Variants in DNHD1 observed in about 807,000 individuals in gnomAD.
DNHD1 encodes the protein dynein heavy chain domain-containing protein 1.
Under a neutral mutation model 458.1 loss-of-function variants are expected in DNHD1, and 383 were observed. That is an observed-to-expected ratio of 0.84 (90% CI 0.77 to 0.91). The LOEUF (loss-of-function observed/expected upper bound fraction) is 0.91, where lower values mean the gene tolerates loss of function less well. Ranked by LOEUF, DNHD1 falls within the 40% of genes least tolerant of loss-of-function variation. The probability of loss-of-function intolerance (pLI) is 0.00; values close to 1 mark genes in which losing one functional copy is unlikely to be tolerated. For synonymous variants in DNHD1, 2,203 were observed against 2,376.9 expected (o/e 0.93, Z 2.13); for missense variants, 5,336 against 5,866.1 (o/e 0.91, Z 2.95).
chr11:6,499,056 C>T, intron 3 of DNHD1, 95 bp downstream of exon 3: 1 of 1,388,914 alleles, frequency 7.2e-7, no homozygotes, highest in Non-Finnish European at 9.6e-7. Context: ...AGATCCAGCT[C>T]TCTGTTTATC....
chr11:6,570,336 G>A lies in DNHD1; in HGVS notation c.13045G>A (p.Gly4349Arg). Reference protein sequence around the residue: ...LTQACLSPSSGSWVQPHTPQS... With the variant: ...LTQACLSPSSRSWVQPHTPQS... ...ACAAGCCTGCCTGAGCCCCAGTAGT[G>A]GGAGCTGGGTCCAGCCACACACACC... Residue 4349 changes from glycine to arginine, a missense_variant, in exon 41 of 43, where the codon GGG becomes AGG. Gly to Arg is a moderately radical substitution (Grantham distance 125). Coordinates refer to ENST00000254579, the MANE Select transcript of DNHD1 (RefSeq NM_144666.3). 6.2e-7 allele frequency: 1 copy of A among 1,612,676 alleles called. No homozygotes were observed. The highest frequency in any genetic ancestry group is 8.5e-7 in the Non-Finnish European group (1 of 1,179,364).
chr11:6,517,168 A>G (rs1031277249), intron 7 of DNHD1, among the ~76,000 whole-genome samples: 2 of 152,220 alleles, frequency 1.3e-5, no homozygotes, highest in African/African-American at 4.8e-5. Context: ...GACAAATAAA[A>G]ATGGAATATA....
chr11:6,537,025 A>G (rs371622099), intron 14 of DNHD1, among the ~76,000 whole-genome samples: 8 of 152,222 alleles, frequency 5.3e-5, no homozygotes, highest in African/African-American at 1.9e-4. Context: ...CACATGTGTA[A>G]GATGCATGAG....
intron 7 of DNHD1, among the ~76,000 whole-genome samples, chr11:6,514,065 C>T (rs976943363): frequency 3.3e-5 from 5 of 152,028 alleles, no homozygotes; most frequent in African/African-American, 4.8e-5. Context: ...CCAGGATGGT[C>T]TCAATCTCCT....
At position 6,546,308 on chromosome 11, in the gene DNHD1, T is replaced by C; in HGVS notation, c.5369T>C (p.Phe1790Ser). The part of the protein sequence containing the change: ...TQPQLLGSSF[F>S]EKHHVSVRLG... ...CCCCAGCTCCTTGGCAGTAGCTTCTTTGAAAAACATCACGTGTCTGTGCGC... is the reference window on the plus strand; with the variant it reads ...CCCCAGCTCCTTGGCAGTAGCTTCTCTGAAAAACATCACGTGTCTGTGCGC... Residue 1790 changes from phenylalanine (F) to serine (S), a missense_variant, in exon 21 of 43, where the codon TTT (phenylalanine) becomes TCT (serine). By Grantham distance (155) the Phe-to-Ser change is radical (BLOSUM62 -2). Around this residue, in one of 4 missense-constraint regions of DNHD1, gnomAD observed 3,932 missense variants for 4,365.6 expected, o/e 0.90. Coordinates refer to ENST00000254579, the MANE Select transcript of DNHD1 (RefSeq NM_144666.3). The C allele has an allele frequency of 1.9e-6, 3 of 1,552,378 alleles. No individual in the cohort carries two copies. Among genetic ancestry groups the C allele is most frequent in the Non-Finnish European group, 2.6e-6 (3 of 1,147,138 alleles).
chr11:6,534,624 C>T (rs571450240), intron 14 of DNHD1, among the ~76,000 whole-genome samples: 1 of 152,290 alleles, frequency 6.6e-6, no homozygotes, highest in East Asian at 1.9e-4. Context: ...TACTGAGGGC[C>T]TCACTAATAC....
At chr11:6,543,601 T>G (rs533891279) in intron 18 of DNHD1, among the ~76,000 whole-genome samples, 14 of 152,170 alleles carry the variant, frequency 9.2e-5, no homozygotes, top group Non-Finnish European at 1.8e-4. Flanking sequence ...AGGAGCTTCT[T>G]CTCTCACCAT....
intron 3 of DNHD1, among the ~76,000 whole-genome samples, chr11:6,501,404 A>C (rs1382977305): frequency 1.3e-5 from 2 of 151,998 alleles, no homozygotes; most frequent in Non-Finnish European, 2.9e-5. Context: ...TAAATAGACT[A>C]AGGTAAGAAG....
At chr11:6,539,087 CTG>C in intron 16 of DNHD1, 130 bp from the exon 17 acceptor site, 1 of 695,588 alleles carries the variant, frequency 1.4e-6, no homozygotes, top group South Asian at 1.8e-5. Flanking sequence ...GCTGTTGGCT[CTG>C]TGTTGTGCTC....
chr11:6,521,484 T>A (rs1205653941), intron 10 of DNHD1, among the ~76,000 whole-genome samples: 2 of 152,170 alleles, frequency 1.3e-5, no homozygotes, highest in African/African-American at 4.8e-5. Flanking sequence ...AGCACACGGA[T>A]TGGTATGTTT....
rs1174091866 is a variant in DNHD1 at position 6,547,853 on chromosome 11, A to G, written c.6728-10A>G. On this transcript the variant is annotated splice_polypyrimidine_tract_variant and intron_variant, in intron 21 of 42. Transcript: ENST00000254579. ...TGGGGCTCCTCTCGTGGCCATGGCAACTTTCACAGAGGACCTCAGCTATAG... is the reference window on the plus strand; with the variant it reads ...TGGGGCTCCTCTCGTGGCCATGGCAGCTTTCACAGAGGACCTCAGCTATAG... 2 of 1,551,328 alleles carry G rather than the reference A, an allele frequency of 1.3e-6. No homozygotes were observed. The highest frequency in any genetic ancestry group is 1.4e-5 in the African/African-American group (1 of 73,004).
In DNHD1 at chr11:6,567,184, T is replaced by A. The variant is rs757142465; in HGVS notation, c.11675T>A (p.Met3892Lys). The part of the protein sequence containing the change: ...LAVTKQALDS[M>K]KPREINHGED... ...GTCACTAAGCAGGCTCTGGACAGCA[T>A]GAAGCCACGTGAGATTAATCACGGG... is the stretch of plus-strand genomic sequence containing the variant. Residue 3892 changes from methionine (M) to lysine (K), a missense_variant, in exon 36 of 43, where the codon ATG (methionine) becomes AAG (lysine). Met to Lys is a moderately conservative substitution (Grantham distance 95, BLOSUM62 -1). Coordinates refer to ENST00000254579, the MANE Select transcript of DNHD1 (RefSeq NM_144666.3). The A allele has an allele frequency of 1.2e-6, 2 of 1,614,026 alleles. No individual in the cohort carries two copies. The highest frequency in any genetic ancestry group is 1.7e-5 in the Admixed American group (1 of 60,018).
At position 6,568,460 on chromosome 11, in the gene DNHD1, C is replaced by CA. The variant is rs752217924; in HGVS notation, c.12546dup (p.Asp4183ArgfsTer12). 9.9e-6 allele frequency: 16 copies of CA among 1,613,498 alleles called. No homozygotes were observed. The highest frequency in any genetic ancestry group is 1.6e-4 in the Middle Eastern group (1 of 6,062). On this transcript the variant is annotated frameshift_variant, in exon 38 of 43. Coordinates refer to ENST00000254579, the MANE Select transcript of DNHD1 (RefSeq NM_144666.3). LOFTEE classifies it high-confidence loss of function. The stretch of plus-strand genomic sequence containing the variant: ...GACCCTTGTCTGACTCTAGTGGTTG[C>CA]AGACCTGGAATCAGAACAGCTTTTA...
At chr11:6,518,325 G>T (rs1159941335) in intron 7 of DNHD1, among the ~76,000 whole-genome samples, 3 of 152,212 alleles carry the variant, frequency 2.0e-5, no homozygotes, top group African/African-American at 7.2e-5. Flanking sequence ...GTCTTCCAAA[G>T]TGCTGGGATT....
Position 6,528,529 on chromosome 11 carries a change from T to C in DNHD1, c.1845T>C (p.Asp615=). 6.5e-7 allele frequency: 1 copy of C among 1,548,828 alleles called. No individual in the cohort carries two copies. The highest frequency in any genetic ancestry group is 8.7e-7 in the Non-Finnish European group (1 of 1,144,842). Residue 615 remains aspartate, a synonymous_variant, in exon 11 of 43, where the codon GAT becomes GAC. Coordinates refer to ENST00000254579, the MANE Select transcript of DNHD1 (RefSeq NM_144666.3). ...TGGCCTGTGCTCCACTAGAAGAAGA[T>C]GAAGAGGAGGACTCAAAAGACGAAT... is the stretch of plus-strand genomic sequence containing the variant. The part of the protein sequence containing the change: ...SSDSLYSEEE[D]EEEDSKDEFL...
chr11:6,533,880 C>T lies in DNHD1; in HGVS notation c.2705C>T (p.Pro902Leu). 6.4e-7 allele frequency: 1 copy of T among 1,551,274 alleles called. No homozygotes were observed. Among genetic ancestry groups the T allele is most frequent in the Non-Finnish European group, 8.7e-7 (1 of 1,146,918 alleles). The part of the protein sequence containing the change: ...PPPQPHLLHC[P>L]LLAPQLLDMW... ...CCACAACCACATCTACTCCACTGCC[C>T]TCTGCTTGCCCCACAGCTTCTGGAT... The change falls in exon 14 of 43, where the codon CCT becomes CTT. Residue 902 changes from proline (P) to leucine (L), a missense_variant. Pro to Leu is a moderately conservative substitution (Grantham distance 98). This residue lies in a region of DNHD1 where 3,932 missense variants were observed against 4,365.6 expected (regional missense o/e 0.90). Transcript: ENST00000254579.
rs1218903917 is a variant in DNHD1 at position 6,557,480 on chromosome 11, G to C, written c.8185G>C (p.Glu2729Gln). ...DFSNSNSETEEEEEPYGLQVA... is the reference protein window; with the variant it reads ...DFSNSNSETEQEEEPYGLQVA... ...CAGCAACAGCAATAGTGAAACAGAG[G>C]AGGAAGAGGAACCTTATGGCCTTCA... Residue 2729 changes from glutamate to glutamine, a missense_variant, in exon 25 of 43, where the codon GAG becomes CAG. Glu to Gln is a conservative substitution (Grantham distance 29). Transcript: ENST00000254579. 4.5e-6 allele frequency: 7 copies of C among 1,551,690 alleles called. No individual in the cohort carries two copies. Among genetic ancestry groups the C allele is most frequent in the Non-Finnish European group, 6.1e-6 (7 of 1,147,016 alleles).
chr11:6,547,282 C>T lies in DNHD1; in HGVS notation c.6343C>T (p.Gln2115Ter), dbSNP rs766976535. 1.9e-6 allele frequency: 3 copies of T among 1,551,806 alleles called. No individual in the cohort carries two copies. Among genetic ancestry groups the T allele is most frequent in the Middle Eastern group, 3.3e-4 (2 of 5,992 alleles). ...LPQLSLPSGQ[Q>*]IARPPGTFLL... is the part of the protein sequence containing the mutation. ...CCAGCTTAGTCTCCCCAGTGGACAGCAGATAGCACGACCCCCAGGCACCTT... is the reference window on the plus strand; with the variant it reads ...CCAGCTTAGTCTCCCCAGTGGACAGTAGATAGCACGACCCCCAGGCACCTT... Residue 2115 changes from glutamine (Q) to a stop codon, truncating the protein, a stop_gained, in exon 21 of 43, where the codon CAG becomes TAG. Transcript: ENST00000254579. LOFTEE classifies it high-confidence loss of function.
At position 6,547,258 on chromosome 11, in the gene DNHD1, C is replaced by A; in HGVS notation, c.6319C>A (p.Gln2107Lys). The A allele has an allele frequency of 1.3e-6, 2 of 1,551,778 alleles. No homozygotes were observed. The highest frequency in any genetic ancestry group is 1.7e-6 in the Non-Finnish European group (2 of 1,146,948). Residue 2107 changes from glutamine to lysine, a missense_variant, in exon 21 of 43, where the codon CAG (glutamine) becomes AAG (lysine). Gln to Lys is a moderately conservative substitution (Grantham distance 53). This residue lies in a region of DNHD1 where 3,932 missense variants were observed against 4,365.6 expected (regional missense o/e 0.90). Transcript: ENST00000254579. ...SITCLLSELPQLSLPSGQQIA... is the reference protein window; with the variant it reads ...SITCLLSELPKLSLPSGQQIA... The stretch of plus-strand genomic sequence containing the variant: ...CACTTGCCTCCTGAGTGAGCTTCCC[C>A]AGCTTAGTCTCCCCAGTGGACAGCA...
Sources: gnomAD v4.1 joint callset for allele counts (sites outside exome capture counted in the v4.1 genomes callset) on GRCh38, gnomAD v4.1.1 for gene constraint, gnomAD v4.1.1 regional missense constraint, MANE v1.5 for transcripts, NCBI Gene and HGNC (gene_info 2026-07-23, HGNC 2026-07-21) for gene names.